The following ST6GALNAC3 variants were observed in gnomAD, a reference collection of about 807,000 sequenced individuals.
The protein encoded by ST6GALNAC3 is ST6 N-acetylgalactosaminide alpha-2,6-sialyltransferase 3, also known as alpha-N-acetylgalactosaminide alpha-2,6-sialyltransferase 3.
ST6GALNAC3 carries 25 observed loss-of-function variants against 32.7 expected under a neutral mutation model. That is an observed-to-expected ratio of 0.76 (90% CI 0.56 to 1.07). ST6GALNAC3 has a LOEUF of 1.07. Among genes scored for constraint, ST6GALNAC3 ranks in the 50% least tolerant of loss-of-function variants. The pLI is 0.00. For missense variants in ST6GALNAC3, 355 were observed against 382.4 expected (o/e 0.93, Z 0.60); for synonymous variants, 129 against 133.1 (o/e 0.97, Z 0.21).
chr1:76,524,875 A>C (rs1186984157), intron 3 of ST6GALNAC3, among the ~76,000 whole-genome samples: 1 of 152,000 alleles, frequency 6.6e-6, no homozygotes, highest in Non-Finnish European at 1.5e-5. Context: ...TAGTAGTTGA[A>C]GAAATATATA....
At chr1:76,470,112 G>A (rs1172549399) in intron 3 of ST6GALNAC3, among the ~76,000 whole-genome samples, 1 of 151,990 alleles carries the variant, frequency 6.6e-6, no homozygotes, top group Non-Finnish European at 1.5e-5. Context: ...TGATACACCA[G>A]GGCCAACACT....
chr1:76,224,454 TAG>T (rs1393898293), intron 1 of ST6GALNAC3, among the ~76,000 whole-genome samples: 2 of 152,210 alleles, frequency 1.3e-5, no homozygotes, highest in African/African-American at 4.8e-5. Context: ...GAGATAAACT[TAG>T]AGAGTTAGTG....
At chr1:76,100,670 G>T (rs1305804484) in intron 1 of ST6GALNAC3, among the ~76,000 whole-genome samples, 6 of 152,044 alleles carry the variant, frequency 3.9e-5, no homozygotes, top group Non-Finnish European at 8.8e-5. Context: ...GTCAGGTTTT[G>T]GTTATCGAGG....
chr1:76,615,954 A>T (rs1262477660), intron 3 of ST6GALNAC3, among the ~76,000 whole-genome samples: 1 of 151,798 alleles, frequency 6.6e-6, no homozygotes, highest in African/African-American at 2.4e-5. Flanking sequence ...TCTTTTCTTG[A>T]CATTTTCTGA....
chr1:76,247,714 C>A (rs1169329396), intron 1 of ST6GALNAC3, among the ~76,000 whole-genome samples: 1 of 152,154 alleles, frequency 6.6e-6, no homozygotes, highest in Non-Finnish European at 1.5e-5. Context: ...GACTGCTGTG[C>A]TGGCAGTGAG....
chr1:76,341,521 G>C (rs1395850668), intron 2 of ST6GALNAC3, among the ~76,000 whole-genome samples: 1 of 151,844 alleles, frequency 6.6e-6, no homozygotes, highest in Non-Finnish European at 1.5e-5. Context: ...TACTAGTGCA[G>C]GTGTCTCTTG....
intron 1 of ST6GALNAC3, among the ~76,000 whole-genome samples, chr1:76,143,727 C>T (rs561781883): frequency 4.7e-4 from 71 of 152,176 alleles, no homozygotes; most frequent in Admixed American, 4.0e-3. Flanking sequence ...ATAGCAGTGT[C>T]GCACCAAGCA....
chr1:76,411,663 C>A (rs1287933465), intron 2 of ST6GALNAC3, among the ~76,000 whole-genome samples: 2 of 152,066 alleles, frequency 1.3e-5, no homozygotes, highest in African/African-American at 4.8e-5. Context: ...AAGATCAAAT[C>A]TTTTCGTATT....
chr1:76,245,026 A>T (rs1657180445), intron 1 of ST6GALNAC3, among the ~76,000 whole-genome samples: 1 of 151,766 alleles, frequency 6.6e-6, no homozygotes, highest in African/African-American at 2.4e-5. Flanking sequence ...TCCTCTTTGT[A>T]CCTCTGATAG....
chr1:76,368,850 G>A (rs1650592513), intron 2 of ST6GALNAC3, among the ~76,000 whole-genome samples: 1 of 152,022 alleles, frequency 6.6e-6, no homozygotes, highest in Non-Finnish European at 1.5e-5. Context: ...AATAGTTTTA[G>A]CTTCATTTAG....
At chr1:76,449,824 T>TTGATTTCAA (rs1352645921) in intron 3 of ST6GALNAC3, among the ~76,000 whole-genome samples, 2 of 152,198 alleles carry the variant, frequency 1.3e-5, no homozygotes, top group African/African-American at 4.8e-5. Flanking sequence ...TTTATTTGTT[T>TTGATTTCAA]TGATTTCAAT....
chr1:76,566,312 A>G (rs1386536348), intron 3 of ST6GALNAC3, among the ~76,000 whole-genome samples: 1 of 152,210 alleles, frequency 6.6e-6, no homozygotes, highest in Non-Finnish European at 1.5e-5. Flanking sequence ...GAACCTCTGA[A>G]CTAGTCTCTC....
intron 3 of ST6GALNAC3, among the ~76,000 whole-genome samples, chr1:76,566,027 A>G (rs1307489838): frequency 6.6e-6 from 1 of 152,226 alleles, no homozygotes; most frequent in African/African-American, 2.4e-5. Context: ...GGTAAACTAC[A>G]TATTTATCTT....
downstream of ST6GALNAC3, chr1:76,634,627 T>C (rs1480665499): frequency 1.3e-5 from 2 of 152,052 alleles, no homozygotes; most frequent in Non-Finnish European, 2.9e-5. Flanking sequence ...TTCAGTTTGT[T>C]TTACAACAGG....
chr1:76,141,247 A>G (rs1243831442), intron 1 of ST6GALNAC3, among the ~76,000 whole-genome samples: 1 of 152,162 alleles, frequency 6.6e-6, no homozygotes, highest in African/African-American at 2.4e-5. Flanking sequence ...TGCTGTGGAG[A>G]TAAGTTCTTA....
chr1:76,347,206 A>G (rs113611615), intron 2 of ST6GALNAC3, among the ~76,000 whole-genome samples: 3 of 152,208 alleles, frequency 2.0e-5, no homozygotes, highest in Admixed American at 1.3e-4. Flanking sequence ...CTGCTGTCCA[A>G]TAGAGAGGCA....
chr1:76,422,234 A>G (rs1001616325), intron 3 of ST6GALNAC3, among the ~76,000 whole-genome samples: 1 of 152,032 alleles, frequency 6.6e-6, no homozygotes, highest in Non-Finnish European at 1.5e-5. Flanking sequence ...CAATTGAATA[A>G]AGGATTCAGG....
intron 1 of ST6GALNAC3, chr1:76,142,772 A>G (rs1650409505): frequency 4.5e-6 from 2 of 440,402 alleles, no homozygotes; most frequent in Non-Finnish European, 4.5e-6. Context: ...GGAGAATGCA[A>G]TAGGCAGAAC....
intron 2 of ST6GALNAC3, among the ~76,000 whole-genome samples, chr1:76,331,057 G>T (rs540031718): frequency 6.6e-6 from 1 of 152,200 alleles, no homozygotes; most frequent in East Asian, 1.9e-4. Flanking sequence ...ATGAATACTG[G>T]GTACCAGTAG....
Sources: gnomAD v4.1 joint callset for allele counts (sites outside exome capture counted in the v4.1 genomes callset) on GRCh38, gnomAD v4.1.1 for gene constraint, MANE v1.5 for transcripts, NCBI Gene and HGNC (gene_info 2026-07-23, HGNC 2026-07-21) for gene names.